Variants in FAT3 observed in about 807,000 individuals in gnomAD.
The protein encoded by FAT3 is protocadherin Fat 3.
In FAT3, 95 loss-of-function variants were observed where a neutral mutation model predicts 310.2. The observed-to-expected ratio is 0.31, with a 90% CI of 0.26 to 0.36. The LOEUF (loss-of-function observed/expected upper bound fraction) is 0.36, where lower values mean the gene tolerates loss of function less well. Among genes scored for constraint, FAT3 ranks in the 10% least tolerant of loss-of-function variants. The probability of loss-of-function intolerance (pLI) is 1.00; values close to 1 mark genes in which losing one functional copy is unlikely to be tolerated. For missense variants in FAT3, 5,408 were observed against 5,715.6 expected (o/e 0.95, Z 1.74); for synonymous variants, 2,314 against 2,192.9 (o/e 1.06, Z -1.54).
At chr11:92,879,085 A>G (rs1565673041) in intron 22 of FAT3, among the ~76,000 whole-genome samples, 2 of 152,172 alleles carry the variant, frequency 1.3e-5, no homozygotes, top group Non-Finnish European at 2.9e-5. Context: ...TACAAACTCC[A>G]AGAGCCAAAA....
intron 1 of FAT3, among the ~76,000 whole-genome samples, chr11:92,291,967 TATC>T (rs1415708906): frequency 6.6e-6 from 1 of 152,032 alleles, no homozygotes; most frequent in Non-Finnish European, 1.5e-5. Flanking sequence ...CTTTTAGCAA[TATC>T]ATGGTTTTTT....
At chr11:92,432,781 C>T (rs1182154583) in intron 2 of FAT3, among the ~76,000 whole-genome samples, 1 of 152,144 alleles carries the variant, frequency 6.6e-6, no homozygotes, top group East Asian at 1.9e-4. Context: ...GATCTGCTGC[C>T]CTCTTCAGAG....
chr11:92,687,909 A>G (rs1461021111), intron 3 of FAT3, among the ~76,000 whole-genome samples: 1 of 152,050 alleles, frequency 6.6e-6, no homozygotes, highest in African/African-American at 2.4e-5. Flanking sequence ...TCAGATCTAA[A>G]GTCAAAACAG....
chr11:92,365,676 A>C (rs941647257), intron 2 of FAT3, among the ~76,000 whole-genome samples: 2 of 152,240 alleles, frequency 1.3e-5, no homozygotes, highest in Non-Finnish European at 2.9e-5. Flanking sequence ...CCAAGCAACT[A>C]GAATATGATT....
chr11:92,421,434 CTGTT>C (rs926140026), intron 2 of FAT3, among the ~76,000 whole-genome samples: 1 of 152,090 alleles, frequency 6.6e-6, no homozygotes, highest in African/African-American at 2.4e-5. Context: ...CTCTTTCAGT[CTGTT>C]TGTGCAGTGA....
At position 92,373,760 on chromosome 11, in the gene FAT3, G is replaced by GCACACA. The variant is rs57651290; in HGVS notation, c.3292+18401_3292+18406dup. On this transcript the variant is annotated intron_variant, in intron 2 of 27. Transcript: ENST00000525166. ...AGACAGAACCAGTGGAGATATGTAT[G>GCACACA]CACACACACACACACACACACACAC... 6.4e-3 allele frequency among the ~76,000 whole-genome samples: 832 copies of GCACACA among 130,054 alleles called. 5 individuals are homozygous for GCACACA. The highest frequency in any genetic ancestry group is 0.011 in the East Asian group (48 of 4,196). 85.3% of individuals were successfully genotyped at this position (130,054 alleles called of 152,430 possible). A position where few individuals can be genotyped will look rare whatever the true frequency, so the allele number is the denominator to read the frequency against.
rs1953346470 is a variant in FAT3 at position 92,512,873 on chromosome 11, A to ATT, written c.3293-11761_3293-11760insTT. Among the ~76,000 whole-genome samples the ATT allele has an allele frequency of 1.9e-3, 206 of 107,384 alleles. 3 individuals carry two copies. The highest frequency in any genetic ancestry group is 7.9e-3 in the African/African-American group (193 of 24,462). 70.4% of individuals were successfully genotyped at this position (107,384 alleles called of 152,430 possible). The stretch of plus-strand genomic sequence containing the variant: ...CGCGGTGGCTCACGCCTGTAATCCC[A>ATT]GCACTTTGGGAGGCCGAGGCGGGCG... On this transcript the variant is annotated intron_variant, in intron 2 of 27. Coordinates refer to ENST00000525166, the MANE Select transcript of FAT3 (RefSeq NM_001367949.2).
chr11:92,405,895 T>A (rs933149844), intron 2 of FAT3, among the ~76,000 whole-genome samples: 10 of 152,246 alleles, frequency 6.6e-5, no homozygotes, highest in Admixed American at 2.0e-4. Flanking sequence ...AAATTTAAAA[T>A]TTTCAGTGAG....
intron 15 of FAT3, among the ~76,000 whole-genome samples, chr11:92,835,386 T>C (rs10830950): frequency 0.41 from 62,307 of 152,042 alleles, 12,937 homozygotes; most frequent in East Asian, 0.46. Flanking sequence ...TGGCCCCCTA[T>C]GTAGATGTGA....
At chr11:92,597,412 A>G (rs1339591993) in intron 3 of FAT3, among the ~76,000 whole-genome samples, 1 of 152,216 alleles carries the variant, frequency 6.6e-6, no homozygotes, top group Non-Finnish European at 1.5e-5. Flanking sequence ...CAATGAACGG[A>G]CAGTCACGAT....
At chr11:92,479,924 T>C (rs2508832) in intron 2 of FAT3, among the ~76,000 whole-genome samples, 96,624 of 151,922 alleles carry the variant, frequency 0.64, 31,742 homozygotes, top group East Asian at 0.81. Flanking sequence ...CCTACAGTGC[T>C]ACGGTGGGAA....
At chr11:92,439,616 C>T (rs1951021515) in intron 2 of FAT3, among the ~76,000 whole-genome samples, 1 of 152,016 alleles carries the variant, frequency 6.6e-6, no homozygotes, top group Non-Finnish European at 1.5e-5. Flanking sequence ...TCACTATCCT[C>T]CTACTAGACC....
chr11:92,449,580 A>G (rs1024017704), intron 2 of FAT3, among the ~76,000 whole-genome samples: 1 of 152,174 alleles, frequency 6.6e-6, no homozygotes, highest in Non-Finnish European at 1.5e-5. Flanking sequence ...TTTAGGGAAC[A>G]TACATCCTCA....
intron 4 of FAT3, among the ~76,000 whole-genome samples, chr11:92,705,365 TGTTG>T (rs1944245435): frequency 9.6e-6 from 1 of 104,226 alleles, no homozygotes; most frequent in African/African-American, 3.8e-5. Context: ...AGTGTGATGG[TGTTG>T]GTGATGGTGT....
chr11:92,361,406 TG>T lies in FAT3; in HGVS notation c.3292+6003del, dbSNP rs1251609976. On this transcript the variant is annotated intron_variant, in intron 2 of 27. Transcript: ENST00000525166. Reference sequence around the variant, plus strand: ...GCTCATGTTAGAACCTAATAACAAATGTATAGTGTTAAGAGGTGGGGCTTTT... The same window carrying T: ...GCTCATGTTAGAACCTAATAACAAATTATAGTGTTAAGAGGTGGGGCTTTT... 4.6e-4 allele frequency among the ~76,000 whole-genome samples: 62 copies of T among 135,872 alleles called. No individual in the cohort carries two copies. In the Middle Eastern group the frequency reaches 0.022, roughly 49 times the overall value. 89.1% of individuals were successfully genotyped at this position (135,872 alleles called of 152,430 possible).
chr11:92,254,256 C>T (rs1486630839), intron 1 of FAT3, among the ~76,000 whole-genome samples: 1 of 152,160 alleles, frequency 6.6e-6, no homozygotes, highest in Non-Finnish European at 1.5e-5. Context: ...GTGTTCTCCA[C>T]ACCCAAATAT....
At chr11:92,710,119 AT>A (rs1944475968) in intron 4 of FAT3, among the ~76,000 whole-genome samples, 1 of 152,216 alleles carries the variant, frequency 6.6e-6, no homozygotes, top group Admixed American at 6.5e-5. Context: ...AAATGTCAAT[AT>A]TTTAAAAAAT....
At chr11:92,794,372 T>G (rs757277606) in intron 9 of FAT3, among the ~76,000 whole-genome samples, 1 of 152,226 alleles carries the variant, frequency 6.6e-6, no homozygotes, top group African/African-American at 2.4e-5. Context: ...TATTCATTCA[T>G]GCATATACAT....
chr11:92,874,115 T>A (rs1467090234), intron 22 of FAT3, among the ~76,000 whole-genome samples: 1 of 146,908 alleles, frequency 6.8e-6, no homozygotes, highest in Non-Finnish European at 1.5e-5. Flanking sequence ...TTTGATATTC[T>A]CCCCTCTGAA....
Sources: allele counts gnomAD v4.1 joint callset (sites outside exome capture counted in the v4.1 genomes callset), GRCh38; gene constraint gnomAD v4.1.1; transcripts MANE v1.5; gene names NCBI Gene and HGNC (gene_info 2026-07-23, HGNC 2026-07-21).